PHEX: variants seen among roughly 807,000 people sequenced by gnomAD.
PHEX encodes the protein phosphate-regulating neutral endopeptidase PHEX.
PHEX carries 16 observed loss-of-function variants against 68.0 expected under a neutral mutation model. The observed-to-expected ratio is 0.24, with a 90% CI of 0.16 to 0.36. PHEX has a LOEUF of 0.36. PHEX is among the 10% of genes least tolerant of loss of function. PHEX has a pLI of 1.00. For synonymous variants in PHEX, 208 were observed against 205.1 expected (o/e 1.01, Z -0.12); for missense variants, 480 against 575.5 (o/e 0.83, Z 1.70).
At chrX:22,113,672 T>C (rs1448710081) in intron 10 of PHEX, among the ~76,000 whole-genome samples, 1 of 111,452 alleles carries the variant, frequency 9.0e-6, no homozygotes, top group Admixed American at 9.6e-5. Flanking sequence ...CATGTTCTTC[T>C]GGTCTGCCTT....
At chrX:22,080,059 A>G (rs917646374) in intron 5 of PHEX, among the ~76,000 whole-genome samples, 27 of 111,698 alleles carry the variant, frequency 2.4e-4, no homozygotes, top group African/African-American at 6.8e-4. Context: ...ATCAGTAGGA[A>G]GTGCACACTA....
At chrX:22,086,885 A>G (rs747000481) in intron 5 of PHEX, among the ~76,000 whole-genome samples, 1 of 112,462 alleles carries the variant, frequency 8.9e-6, no homozygotes, top group Non-Finnish European at 1.9e-5. Context: ...TTCCTAAAAA[A>G]CATACTTTAT....
intron 11 of PHEX, among the ~76,000 whole-genome samples, chrX:22,117,897 C>CT (rs369026566): frequency 0.023 from 2,529 of 108,143 alleles, 80 homozygotes; most frequent in African/African-American, 0.079. Flanking sequence ...CTTTTATAGC[C>CT]TTTTTTTTTA....
intron 12 of PHEX, among the ~76,000 whole-genome samples, chrX:22,157,945 C>A (rs907627533): frequency 9.0e-6 from 1 of 111,394 alleles, no homozygotes; most frequent in Non-Finnish European, 1.9e-5. Flanking sequence ...GCTTGTGGAC[C>A]GCACCCAAAA....
Position 22,185,756 on chromosome X carries a change from G to GTTTTTTTTTTTTT in PHEX, c.1587-4683_1587-4671dup, listed in dbSNP as rs3085228. ...CTCAGCTGCATGGTTCTCGTTTGTG[G>GTTTTTTTTTTTTT]TTTTTTTTTTTTTTTTTGGACACAG... is the stretch of plus-strand genomic sequence containing the variant. On this transcript the variant is annotated intron_variant, in intron 14 of 21. Transcript: ENST00000379374. 1.8e-4 allele frequency among the ~76,000 whole-genome samples: 16 copies of GTTTTTTTTTTTTT among 87,772 alleles called. 1 individual carries two copies. The highest frequency in any genetic ancestry group is 7.5e-4 in the African/African-American group (15 of 19,944). The allele number at this position is 87,772 out of a possible 115,157, so 76.2% of individuals were successfully genotyped here.
intron 15 of PHEX, among the ~76,000 whole-genome samples, chrX:22,208,360 C>T (rs965568352): frequency 1.2e-4 from 14 of 112,207 alleles, no homozygotes; most frequent in Non-Finnish European, 2.6e-4. Context: ...CTGTACCTTG[C>T]TTTATGCCAA....
chrX:22,089,397 G>GT (rs1350562015), intron 5 of PHEX, among the ~76,000 whole-genome samples: 10 of 91,871 alleles, frequency 1.1e-4, no homozygotes, highest in Admixed American at 4.4e-4. Flanking sequence ...GGTGCTGAAA[G>GT]TTTTTTTTGT....
At chrX:22,220,715 G>C (rs1935241952) in intron 17 of PHEX, among the ~76,000 whole-genome samples, 1 of 112,147 alleles carries the variant, frequency 8.9e-6, no homozygotes, top group Non-Finnish European at 1.9e-5. Context: ...TTAGTGGGTA[G>C]AGGACAGTGA....
rs542693518 is a variant in PHEX, at chrX:22,063,041, G to A, written c.350-13347G>A. On this transcript the variant is annotated intron_variant, in intron 3 of 21. Coordinates refer to ENST00000379374, the MANE Select transcript of PHEX (RefSeq NM_000444.6). ...CTCCTAAAGTGCTGGGATTACAGGCGTGAGCCACTGCACCTGGCTAGATGT... is the reference window on the plus strand; with the variant it reads ...CTCCTAAAGTGCTGGGATTACAGGCATGAGCCACTGCACCTGGCTAGATGT... 6.0e-4 allele frequency among the ~76,000 whole-genome samples: 67 copies of A among 111,593 alleles called. 1 individual carries two copies. The South Asian group carries it at 0.022, about 37-fold the overall frequency.
At chrX:22,159,591 A>G (rs1340306434) in intron 12 of PHEX, among the ~76,000 whole-genome samples, 1 of 112,539 alleles carries the variant, frequency 8.9e-6, no homozygotes, top group Non-Finnish European at 1.9e-5. Flanking sequence ...AAGTTGTATG[A>G]GATTCAAATT....
At chrX:22,231,702 A>G (rs773027706) in intron 20 of PHEX, among the ~76,000 whole-genome samples, 2 of 111,266 alleles carry the variant, frequency 1.8e-5, no homozygotes, top group Non-Finnish European at 3.8e-5. Flanking sequence ...TGTGTTGTTG[A>G]TCTTTTCAAA....
chrX:22,232,596 C>CTTTTTTTTTTTTTTTTTTTTTTTTTTTT (rs745474280), intron 20 of PHEX, among the ~76,000 whole-genome samples: 1 of 18,557 alleles, frequency 5.4e-5, no homozygotes, highest in African/African-American at 1.9e-4. Context: ...GCCACTTCTG[C>CTTTTTTTTTTTTTTTTTTTTTTTTTTTT]TTTTTTTTTT....
intron 12 of PHEX, among the ~76,000 whole-genome samples, chrX:22,139,777 C>T (rs959690189): frequency 1.8e-5 from 2 of 109,067 alleles, no homozygotes; most frequent in South Asian, 4.1e-4. Flanking sequence ...TGGCCTCAAC[C>T]GATCCGCCAG....
chrX:22,174,596 A>G (rs1933640907), intron 13 of PHEX, among the ~76,000 whole-genome samples: 1 of 112,104 alleles, frequency 8.9e-6, no homozygotes, highest in African/African-American at 3.2e-5. Flanking sequence ...TGAATTTTCT[A>G]TCAGTTATAA....
At chrX:22,227,458 A>AG (rs2147184458) in intron 19 of PHEX, 49 bp from the exon 20 acceptor site, 3 of 898,466 alleles carry the variant, frequency 3.3e-6, no homozygotes, top group Non-Finnish European at 3.3e-6. Context: ...CTGAGCAAAG[A>AG]GAAAAACCCA....
intron 10 of PHEX, among the ~76,000 whole-genome samples, chrX:22,113,005 T>TTGTGTGTGTGTGTGTGTGTG (rs560422828): frequency 9.0e-5 from 8 of 88,690 alleles, no homozygotes; most frequent in African/African-American, 2.3e-4. Context: ...CAAGTAGGTT[T>TTGTGTGTGTGTGTGTGTGTG]TGTGTGTGTG....
rs1936481757 is a variant in PHEX at position 22,249,208 on chromosome X, C to CGGGTGTGTGTGTGTGTGTGT, written c.*1256_*1257insGGTGTGTGTGTGTGTGTGTG. ...AGTGAACTCCTTTCTTATTACTGAG[C>CGGGTGTGTGTGTGTGTGTGT]GTGTGTGTGTGTGTGTGTGTGTGTG... On this transcript the variant is annotated 3_prime_UTR_variant, in exon 22 of 22. Transcript: ENST00000379374. The CGGGTGTGTGTGTGTGTGTGT allele has an allele frequency of 1.2e-5, 1 of 86,058 alleles. No homozygotes were observed. The highest frequency in any genetic ancestry group is 4.9e-5 in the African/African-American group (1 of 20,401). The allele number at this position is 86,058 out of a possible 1,213,427, so 7.1% of individuals were successfully genotyped here. A position where few individuals can be genotyped will look rare whatever the true frequency, so the allele number is the denominator to read the frequency against.
At chrX:22,123,832 TC>T (rs11353707) in intron 11 of PHEX, among the ~76,000 whole-genome samples, 9,590 of 104,509 alleles carry the variant, frequency 0.092, 1,321 homozygotes, top group African/African-American at 0.34. Context: ...AATTTCTTTT[TC>T]TTTTTTTTTT....
At chrX:22,216,231 A>G (rs1056690136) in intron 16 of PHEX, among the ~76,000 whole-genome samples, 1 of 111,994 alleles carries the variant, frequency 8.9e-6, no homozygotes, top group South Asian at 3.7e-4. Flanking sequence ...TGATTCAGGC[A>G]TAGGACAGCC....
Sources: allele counts gnomAD v4.1 joint callset (sites outside exome capture counted in the v4.1 genomes callset), GRCh38; gene constraint gnomAD v4.1.1; transcripts MANE v1.5; gene names NCBI Gene and HGNC (gene_info 2026-07-23, HGNC 2026-07-21).